Variants in LINGO2 observed in about 807,000 individuals in gnomAD.
The protein encoded by LINGO2 is leucine rich repeat and Ig domain containing 2.
LINGO2 carries 14 observed loss-of-function variants against 30.6 expected under a neutral mutation model. That is an observed-to-expected ratio of 0.46 (90% CI 0.30 to 0.72). LINGO2 has a LOEUF of 0.72. Ranked by LOEUF, LINGO2 falls within the 30% of genes least tolerant of loss-of-function variation. The pLI is 0.07. For synonymous variants in LINGO2, 317 were observed against 288.5 expected, an observed-to-expected ratio of 1.10 and a Z score of -1.00; for missense variants, 729 against 751.7, an observed-to-expected ratio of 0.97 and a Z score of 0.35.
chr9:28,560,454 C>A (rs1822986489), intron 1 of LINGO2, among the ~76,000 whole-genome samples: 1 of 152,028 alleles, frequency 6.6e-6, no homozygotes, highest in Non-Finnish European at 1.5e-5. Context: ...GCCTGCCAAC[C>A]CACTTTGCAC....
At chr9:28,112,053 T>C (rs1457151214) in intron 4 of LINGO2, among the ~76,000 whole-genome samples, 240 of 102,044 alleles carry the variant, frequency 2.4e-3, no homozygotes, top group African/African-American at 8.7e-3. Flanking sequence ...ATGCTATCCC[T>C]CCCCCCTCCC....
At chr9:28,152,144 G>A (rs550841350) in intron 4 of LINGO2, among the ~76,000 whole-genome samples, 4 of 152,294 alleles carry the variant, frequency 2.6e-5, no homozygotes, top group African/African-American at 9.6e-5. Flanking sequence ...GATCCCCAGT[G>A]TTGGAGTTGG....
At chr9:27,949,574 G>T (rs1188373740) in exon 6 of LINGO2, 1 of 1,614,090 alleles carries the variant, frequency 6.2e-7, no homozygotes, top group Non-Finnish European at 8.5e-7. Context: ...GTCGCTGCAA[G>T]ATCCAGAGAA....
intron 4 of LINGO2, among the ~76,000 whole-genome samples, chr9:28,242,270 A>T (rs1466465830): frequency 3.3e-5 from 5 of 152,192 alleles, no homozygotes; most frequent in Non-Finnish European, 7.4e-5. Context: ...CAGTTCAGAT[A>T]GAAACATAAA....
chr9:28,756,483 T>C, the LINGO2 span, among the ~76,000 whole-genome samples: 1 of 151,966 alleles, frequency 6.6e-6, no homozygotes, highest in African/African-American at 2.4e-5. Flanking sequence ...GGGGAACTGT[T>C]GGAAATGCAT....
At chr9:28,446,726 C>A (rs564809192) in intron 2 of LINGO2, among the ~76,000 whole-genome samples, 71 of 152,350 alleles carry the variant, frequency 4.7e-4, no homozygotes, top group African/African-American at 1.6e-3. Flanking sequence ...CCCTACAGAG[C>A]AGCCAGAATG....
intron 4 of LINGO2, among the ~76,000 whole-genome samples, chr9:28,177,062 G>C (rs538376756): frequency 1.3e-5 from 2 of 152,166 alleles, no homozygotes; most frequent in South Asian, 2.1e-4. Flanking sequence ...TGAAAATTTA[G>C]GGAGTGTATA....
chr9:28,434,656 A>C (rs1182482030), intron 2 of LINGO2, among the ~76,000 whole-genome samples: 1 of 151,986 alleles, frequency 6.6e-6, no homozygotes, highest in African/African-American at 2.4e-5. Context: ...TTATTCTCTT[A>C]TGCTCTCAAG....
At chr9:28,073,556 C>A (rs1352439079) in intron 4 of LINGO2, among the ~76,000 whole-genome samples, 1 of 152,050 alleles carries the variant, frequency 6.6e-6, no homozygotes, top group Non-Finnish European at 1.5e-5. Flanking sequence ...ATTAAAGGAA[C>A]CATTTTTAAA....
chr9:28,223,771 C>T (rs1398870962), intron 4 of LINGO2, among the ~76,000 whole-genome samples: 2 of 151,980 alleles, frequency 1.3e-5, no homozygotes. Context: ...TGTACATTGC[C>T]TATGGAAATA....
the LINGO2 span, among the ~76,000 whole-genome samples, chr9:29,097,590 C>A: frequency 7.3e-6 from 1 of 137,760 alleles, no homozygotes; most frequent in East Asian, 2.5e-4. Context: ...ACTGTTACAC[C>A]AATAAAGATA....
At chr9:28,776,276 C>A in the LINGO2 span, among the ~76,000 whole-genome samples, 1 of 110,678 alleles carries the variant, frequency 9.0e-6, no homozygotes, top group African/African-American at 2.8e-5. Flanking sequence ...CAATTTTTTT[C>A]TCTCTTTTTC....
At chr9:28,681,115 G>A in the LINGO2 span, among the ~76,000 whole-genome samples, 2 of 151,848 alleles carry the variant, frequency 1.3e-5, no homozygotes, top group Admixed American at 1.3e-4. Flanking sequence ...GTTGATTTTT[G>A]TATATAGTGT....
the LINGO2 span, among the ~76,000 whole-genome samples, chr9:29,008,425 C>A: frequency 2.1e-4 from 32 of 152,116 alleles, 1 homozygote; most frequent in Admixed American, 1.5e-3. Context: ...GATTTATAAT[C>A]CTTTGGGTAT....
At chr9:28,471,818 C>A (rs963158657) in intron 2 of LINGO2, among the ~76,000 whole-genome samples, 5 of 152,144 alleles carry the variant, frequency 3.3e-5, no homozygotes, top group Non-Finnish European at 7.3e-5. Context: ...AATTTTCACA[C>A]ACATGTCCCA....
chr9:28,497,767 G>C (rs1199474156), intron 1 of LINGO2, among the ~76,000 whole-genome samples: 1 of 152,110 alleles, frequency 6.6e-6, no homozygotes, highest in Non-Finnish European at 1.5e-5. Context: ...TTTCTGCTCT[G>C]TTTTTTCCCC....
intron 4 of LINGO2, among the ~76,000 whole-genome samples, chr9:28,059,512 G>T (rs930676291): frequency 9.9e-5 from 15 of 152,070 alleles, no homozygotes; most frequent in African/African-American, 2.2e-4. Flanking sequence ...TGCCAAAAAG[G>T]TTACACTCAG....
At chr9:28,717,340 T>G in the LINGO2 span, among the ~76,000 whole-genome samples, 1 of 107,012 alleles carries the variant, frequency 9.3e-6, no homozygotes, top group Non-Finnish European at 1.8e-5. Context: ...GAGACCCTAA[T>G]CTAAAAAAAA....
Position 28,636,905 on chromosome 9 carries a change from G to A in LINGO2, c.-365+33295C>T, listed in dbSNP as rs531836182. Reference sequence around the variant, plus strand: ...ACATGAGGTCCTTGCCCATGCCTATGTCCTGAATGGTATTCCTTAGGTTTT... The same window carrying A: ...ACATGAGGTCCTTGCCCATGCCTATATCCTGAATGGTATTCCTTAGGTTTT... On this transcript the variant is annotated intron_variant, in intron 1 of 5. Transcript: ENST00000379992. Among the ~76,000 whole-genome samples, 19 of 152,294 alleles carry A rather than the reference G, an allele frequency of 1.2e-4. 2 individuals carry two copies. In the East Asian group the frequency reaches 3.7e-3, roughly 29 times the overall value.
Sources: gnomAD v4.1 joint callset for allele counts (sites outside exome capture counted in the v4.1 genomes callset) on GRCh38, gnomAD v4.1.1 for gene constraint, MANE v1.5 for transcripts, NCBI Gene and HGNC (gene_info 2026-07-23, HGNC 2026-07-21) for gene names.